The following FNDC1 variants were observed in gnomAD, a reference collection of about 807,000 sequenced individuals.
FNDC1 encodes fibronectin type III domain containing 1.
A neutral mutation model predicts 168.0 loss-of-function variants in FNDC1; 96 were observed. The observed-to-expected ratio is 0.57, with a 90% confidence interval of 0.48 to 0.68. The LOEUF (loss-of-function observed/expected upper bound fraction) is 0.68, where lower values mean the gene tolerates loss of function less well. Ranked by LOEUF, FNDC1 falls within the 30% of genes least tolerant of loss-of-function variation. FNDC1 has a pLI of 0.00. For missense variants in FNDC1, 2,587 were observed against 2,482.1 expected, an observed-to-expected ratio of 1.04 and a Z score of -0.90; for synonymous variants, 1,099 against 1,025.9, an observed-to-expected ratio of 1.07 and a Z score of -1.36.
chr6:159,221,029 A>C (rs539071360), intron 5 of FNDC1, among the ~76,000 whole-genome samples: 3 of 152,352 alleles, frequency 2.0e-5, no homozygotes, highest in East Asian at 3.9e-4. Flanking sequence ...TAAGGGGTAC[A>C]TTTAAAGTCT....
rs891170487 is a variant in FNDC1, at chr6:159,225,596, G to T, written c.946G>T (p.Ala316Ser). The change falls in exon 8 of 23, where the codon GCT (alanine) becomes TCT (serine). Residue 316 changes from alanine to serine, a missense_variant. Transcript: ENST00000297267. The part of the protein sequence containing the change: ...ELARWDYKQI[A>S]NRRVLIENLI... ...GGCCAGGTGGGATTATAAGCAGATC[G>T]CTAACAGGCGTGTGCTGATTGAGAA... 7 of 1,613,902 alleles carry T rather than the reference G, an allele frequency of 4.3e-6. No individual in the cohort carries two copies. In the Admixed American group the frequency reaches 1.0e-4, roughly 23 times the overall value.
rs1782825947 is a variant in FNDC1, at chr6:159,221,603, G to A, written c.673G>A (p.Glu225Lys). Reference protein sequence around the residue: ...RTHEIKKLASESVYVVSLQSM... With the variant: ...RTHEIKKLASKSVYVVSLQSM... ...CCTCACTCCCTGGTCCACAGCCTCGGAATCCGTGTATGTGGTCTCCCTGCA... is the reference window on the plus strand; with the variant it reads ...CCTCACTCCCTGGTCCACAGCCTCGAAATCCGTGTATGTGGTCTCCCTGCA... The change falls in exon 6 of 23, where the codon GAA becomes AAA. Residue 225 changes from glutamate (E) to lysine (K), a missense_variant. Coordinates refer to ENST00000297267, the MANE Select transcript of FNDC1 (RefSeq NM_032532.3). 1 of 1,613,870 alleles carries A rather than the reference G, an allele frequency of 6.2e-7. No individual in the cohort carries two copies.
At chr6:159,194,852 C>T (rs1782211798) in intron 1 of FNDC1, among the ~76,000 whole-genome samples, 1 of 152,056 alleles carries the variant, frequency 6.6e-6, no homozygotes, top group Non-Finnish European at 1.5e-5. Context: ...GGCAGGATTG[C>T]TTTTTATCTG....
chr6:159,200,336 A>G (rs1420717402), intron 3 of FNDC1, among the ~76,000 whole-genome samples, 177 bp from the exon 4 acceptor site: 5 of 152,226 alleles, frequency 3.3e-5, no homozygotes, highest in Non-Finnish European at 7.3e-5. Flanking sequence ...CCATGTGTAA[A>G]AGACCTAAAA....
chr6:159,244,700 T>C (rs1051051588), intron 14 of FNDC1, among the ~76,000 whole-genome samples: 2 of 152,244 alleles, frequency 1.3e-5, no homozygotes, highest in Non-Finnish European at 2.9e-5. Context: ...CAAATAATTT[T>C]ATTGGTTAGT....
chr6:159,219,479 C>T (rs1222597181), intron 5 of FNDC1, among the ~76,000 whole-genome samples: 5 of 152,126 alleles, frequency 3.3e-5, no homozygotes, highest in Non-Finnish European at 5.9e-5. Flanking sequence ...CGCCCCTCCT[C>T]ATCTGCAGTT....
At chr6:159,246,151 T>A (rs1255752763) in intron 14 of FNDC1, among the ~76,000 whole-genome samples, 1 of 152,206 alleles carries the variant, frequency 6.6e-6, no homozygotes, top group Admixed American at 6.5e-5. Flanking sequence ...TATAATTCTG[T>A]AGTCAAAATA....
intron 13 of FNDC1, among the ~76,000 whole-genome samples, chr6:159,239,035 C>T (rs1239564538): frequency 6.6e-6 from 1 of 152,198 alleles, no homozygotes; most frequent in Non-Finnish European, 1.5e-5. Context: ...TATTTTGTGG[C>T]ATGGTAATTA....
chr6:159,266,245 G>C lies in FNDC1; in HGVS notation c.5446G>C (p.Asp1816His). The C allele has an allele frequency of 1.2e-6, 2 of 1,613,844 alleles. No homozygotes were observed. Among genetic ancestry groups the C allele is most frequent in the Non-Finnish European group, 1.7e-6 (2 of 1,179,780 alleles). ...YKIYLSDNLK[D>H]TFYSIGDSWG... ...AATCTACCTCAGTGACAACCTGAAA[G>C]GTAAGTCTTTGTGCATGGTTGGCTA... Residue 1816 changes from aspartate to histidine, a missense_variant and splice_region_variant, in exon 21 of 23, where the codon GAT (aspartate) becomes CAT (histidine). By Grantham distance (81) the Asp-to-His change is moderately conservative. Transcript: ENST00000297267.
At chr6:159,193,996 A>G (rs1420991609) in intron 1 of FNDC1, among the ~76,000 whole-genome samples, 1 of 152,168 alleles carries the variant, frequency 6.6e-6, no homozygotes, top group East Asian at 1.9e-4. Flanking sequence ...GAATCTGAGT[A>G]AAGTTTACTG....
chr6:159,200,389 G>C, intron 3 of FNDC1, 124 bp from the exon 4 acceptor site: 1 of 771,744 alleles, frequency 1.3e-6, no homozygotes, highest in Non-Finnish European at 2.1e-6. Context: ...CACTAATATG[G>C]GCTGAGCAGA....
Position 159,271,745 on chromosome 6 carries a change from T to G in FNDC1, c.*303T>G, listed in dbSNP as rs1777752981. 4.0e-6 allele frequency: 1 copy of G among 251,578 alleles called. No homozygotes were observed. 15.6% of individuals were successfully genotyped at this position (251,578 alleles called of 1,614,324 possible). A position where few individuals can be genotyped will look rare whatever the true frequency, so the allele number is the denominator to read the frequency against. On this transcript the variant is annotated 3_prime_UTR_variant, in exon 23 of 23. Coordinates refer to ENST00000297267, the MANE Select transcript of FNDC1 (RefSeq NM_032532.3). ...AACTGATTCAGTGTGATTTCCAGAC[T>G]TTTTAGGCATGAAATTCGGACACTT... is the stretch of plus-strand genomic sequence containing the variant.
intron 15 of FNDC1, among the ~76,000 whole-genome samples, chr6:159,248,603 C>CA (rs941853656): frequency 2.6e-5 from 4 of 151,070 alleles, no homozygotes; most frequent in Admixed American, 1.3e-4. Flanking sequence ...CACACCTGGC[C>CA]AAAAAAAAAT....
At chr6:159,210,345 G>C (rs957616917) in intron 4 of FNDC1, among the ~76,000 whole-genome samples, 2 of 152,180 alleles carry the variant, frequency 1.3e-5, no homozygotes, top group Admixed American at 6.5e-5. Flanking sequence ...GCTTCCTGCT[G>C]TCTGGTTTTG....
intron 4 of FNDC1, among the ~76,000 whole-genome samples, chr6:159,212,546 T>C (rs2114964312): frequency 6.6e-6 from 1 of 152,188 alleles, no homozygotes; most frequent in Admixed American, 6.5e-5. Flanking sequence ...AAAATGGGGT[T>C]GGTTTTTCTA....
rs765160651 is a variant in FNDC1 at position 159,232,514 on chromosome 6, C to T, written c.2002C>T (p.Pro668Ser). The T allele has an allele frequency of 5.0e-6, 8 of 1,611,986 alleles. No individual in the cohort carries two copies. In the Admixed American group the frequency reaches 6.7e-5, roughly 13 times the overall value. The part of the protein sequence containing the change: ...HPKGAFAQPR[P>S]ALSPSRQSPS... ...CAAGGGCGCCTTCGCCCAGCCCCGG[C>T]CAGCCCTGTCCCCCAGCCGCCAGTC... The change falls in exon 11 of 23, where the codon CCA becomes TCA. Residue 668 changes from proline (P) to serine (S), a missense_variant. Coordinates refer to ENST00000297267, the MANE Select transcript of FNDC1 (RefSeq NM_032532.3). The surrounding 1 kb of genome is among the most constrained non-coding windows in gnomAD (Gnocchi z 4.9).
chr6:159,232,962 T>A lies in FNDC1; in HGVS notation c.2450T>A (p.Phe817Tyr). The change falls in exon 11 of 23, where the codon TTC becomes TAC. Residue 817 changes from phenylalanine (F) to tyrosine (Y), a missense_variant. Physicochemically the swap from Phe to Tyr is conservative, Grantham distance 22. Coordinates refer to ENST00000297267, the MANE Select transcript of FNDC1 (RefSeq NM_032532.3). The surrounding 1 kb of genome is among the most constrained non-coding windows in gnomAD (Gnocchi z 4.9). ...CGGGCCCGGCCTGCCTCTGGACACT[T>A]CCATTTGCTCAGACACAAACCCTTT... is the stretch of plus-strand genomic sequence containing the variant. ...TLRARPASGH[F>Y]HLLRHKPFAA... The A allele has an allele frequency of 6.2e-7, 1 of 1,611,404 alleles. No individual in the cohort carries two copies. Among genetic ancestry groups the A allele is most frequent in the South Asian group, 1.1e-5 (1 of 90,822 alleles).
chr6:159,209,046 C>A (rs1389812810), intron 4 of FNDC1, among the ~76,000 whole-genome samples: 3 of 152,148 alleles, frequency 2.0e-5, no homozygotes, highest in Admixed American at 2.0e-4. Context: ...AGGGTTTCTC[C>A]ATGTTGGTCA....
chr6:159,249,279 A>C, intron 16 of FNDC1, 97 bp downstream of exon 16: 2 of 1,177,608 alleles, frequency 1.7e-6, no homozygotes, highest in South Asian at 1.6e-5. Context: ...AAGGCAGTGC[A>C]TTTTGAGAAG....
Sources: gnomAD v4.1 joint callset for allele counts (sites outside exome capture counted in the v4.1 genomes callset) on GRCh38, gnomAD v4.1.1 for gene constraint, Gnocchi (gnomAD v3.1) non-coding constraint, MANE v1.5 for transcripts, NCBI Gene and HGNC (gene_info 2026-07-23, HGNC 2026-07-21) for gene names.